TRIOBP: variants seen among roughly 807,000 people sequenced by gnomAD.
TRIOBP encodes TRIO and F-actin-binding protein.
TRIOBP carries 169 observed loss-of-function variants against 238.8 expected under a neutral mutation model. That is an observed-to-expected ratio of 0.71 (90% CI 0.62 to 0.80). TRIOBP has a LOEUF of 0.80. Among genes scored for constraint, TRIOBP ranks in the 30% least tolerant of loss-of-function variants. TRIOBP has a pLI of 0.00. For synonymous variants in TRIOBP, 1,150 were observed against 1,274.4 expected (o/e 0.90, Z 2.08); for missense variants, 2,838 against 3,122.6 (o/e 0.91, Z 2.17).
chr22:37,712,513 T>G (rs1923304188), intron 4 of TRIOBP, among the ~76,000 whole-genome samples: 1 of 152,038 alleles, frequency 6.6e-6, no homozygotes, highest in Admixed American at 6.5e-5. Context: ...TTTTTTATTT[T>G]TAGTAGAGAC....
In TRIOBP at chr22:37,758,048, T is replaced by A. The variant is rs372525528; in HGVS notation, c.6123T>A (p.Asn2041Lys). 1.7e-4 allele frequency: 269 copies of A among 1,611,956 alleles called. No individual in the cohort carries two copies. Among genetic ancestry groups the A allele is most frequent in the Non-Finnish European group, 2.1e-4 (252 of 1,179,750 alleles). ...TGGAGAAGCTGCCCCTGCGGGAGAA[T>A]AAGCGGGTGCCCCTCACTGCCCTGC... ...QELEKLPLRENKRVPLTALLN... is the reference protein window; with the variant it reads ...QELEKLPLREKKRVPLTALLN... Residue 2041 changes from asparagine (N) to lysine (K), a missense_variant, in exon 16 of 24, where the codon AAT becomes AAA. Around this residue, in one of 5 missense-constraint regions of TRIOBP, gnomAD observed 2,096 missense variants for 2,137.4 expected, o/e 0.98. Transcript: ENST00000644935.
Position 37,725,826 on chromosome 22 carries a change from C to G in TRIOBP, c.3270C>G (p.Asp1090Glu). ...TTGACCCCTTCCCCTTCCTCCCAGA[C>G]ACATCAGATGCCGAGCATCAGTGTC... ...TQFDPFPFLPDTSDAEHQCQS... is the reference protein window; with the variant it reads ...TQFDPFPFLPETSDAEHQCQS... The change falls in exon 7 of 24, where the codon GAC (aspartate) becomes GAG (glutamate). Residue 1090 changes from aspartate to glutamate, a missense_variant. Physicochemically the swap from Asp to Glu is conservative, Grantham distance 45 (BLOSUM62 2). This residue lies in a region of TRIOBP where 2,096 missense variants were observed against 2,137.4 expected (regional missense o/e 0.98). Coordinates refer to ENST00000644935, the MANE Select transcript of TRIOBP (RefSeq NM_001039141.3). 6.2e-7 allele frequency: 1 copy of G among 1,611,490 alleles called. No homozygotes were observed. Among genetic ancestry groups the G allele is most frequent in the Non-Finnish European group, 8.5e-7 (1 of 1,179,092 alleles).
chr22:37,702,010 G>A (rs1003567843), intron 3 of TRIOBP, among the ~76,000 whole-genome samples: 1 of 152,064 alleles, frequency 6.6e-6, no homozygotes. Flanking sequence ...GGCTGAGGCA[G>A]GAGAATCACT....
At chr22:37,704,381 T>TCAGAA (rs71195040) in intron 3 of TRIOBP, among the ~76,000 whole-genome samples, 3,294 of 137,674 alleles carry the variant, frequency 0.024, 68 homozygotes, top group African/African-American at 0.05. Flanking sequence ...GGACCCTGAC[T>TCAGAA]CAGAACAGAA....
At chr22:37,706,141 G>A (rs1409127224) in intron 3 of TRIOBP, among the ~76,000 whole-genome samples, 1 of 152,124 alleles carries the variant, frequency 6.6e-6, no homozygotes, top group Non-Finnish European at 1.5e-5. Flanking sequence ...GCTGACTCCT[G>A]TAATTTCTTC....
chr22:37,751,386 TC>T (rs1858023238), intron 11 of TRIOBP: 1 of 357,098 alleles, frequency 2.8e-6, no homozygotes, highest in Non-Finnish European at 5.5e-6. Context: ...ACTGGACAGT[TC>T]GCGCAGTGCT....
chr22:37,728,026 C>G (rs1282269413), intron 7 of TRIOBP, among the ~76,000 whole-genome samples: 1 of 152,214 alleles, frequency 6.6e-6, no homozygotes, highest in Non-Finnish European at 1.5e-5. Flanking sequence ...ACCATTGCCA[C>G]AATCTAACTT....
At chr22:37,728,749 T>C (rs1924293635) in intron 7 of TRIOBP, among the ~76,000 whole-genome samples, 1 of 152,108 alleles carries the variant, frequency 6.6e-6, no homozygotes, top group Non-Finnish European at 1.5e-5. Context: ...TACTGGGCAG[T>C]AGGGTGATAC....
chr22:37,704,255 C>T (rs969830379), intron 3 of TRIOBP, among the ~76,000 whole-genome samples: 6 of 152,196 alleles, frequency 3.9e-5, no homozygotes, highest in Non-Finnish European at 8.8e-5. Context: ...TAGTGGGATG[C>T]GGCTATAGTC....
chr22:37,730,231 T>C (rs1341252331), intron 7 of TRIOBP, among the ~76,000 whole-genome samples: 1 of 152,178 alleles, frequency 6.6e-6, no homozygotes, highest in African/African-American at 2.4e-5. Context: ...TTTGTCATGC[T>C]TGGTGCGGCC....
In TRIOBP at chr22:37,752,136, G is replaced by A. The variant is rs373385249; in HGVS notation, c.5379+308G>A. Among the ~76,000 whole-genome samples, 8 of 152,252 alleles carry A rather than the reference G, an allele frequency of 5.3e-5. No homozygotes were observed. The East Asian group carries it at 9.7e-4, about 18-fold the overall frequency. Reference sequence around the variant, plus strand: ...TCAAGGGTCTTGGGTGGAAGGGCTCGTAGAAGCTGTCTGGCCCGAGACACA... The same window carrying A: ...TCAAGGGTCTTGGGTGGAAGGGCTCATAGAAGCTGTCTGGCCCGAGACACA... On this transcript the variant is annotated intron_variant, in intron 12 of 23. Coordinates refer to ENST00000644935, the MANE Select transcript of TRIOBP (RefSeq NM_001039141.3).
chr22:37,744,674 G>A (rs1239726910), intron 11 of TRIOBP, among the ~76,000 whole-genome samples: 5 of 152,138 alleles, frequency 3.3e-5, no homozygotes, highest in Non-Finnish European at 7.3e-5. Flanking sequence ...CTGACTGCCT[G>A]AGTGAGGTGC....
intron 8 of TRIOBP, 42 bp downstream of exon 8, chr22:37,733,454 C>A (rs761898653): frequency 9.0e-6 from 13 of 1,441,874 alleles, no homozygotes; most frequent in Non-Finnish European, 1.2e-5. Flanking sequence ...CCCCAAGGGG[C>A]GGCCACTGCC....
chr22:37,700,266 ATT>A (rs35388184), intron 2 of TRIOBP, among the ~76,000 whole-genome samples: 5 of 134,498 alleles, frequency 3.7e-5, no homozygotes, highest in Non-Finnish European at 3.1e-5. Flanking sequence ...GGGAATCTAG[ATT>A]TTTTTTTTTT....
rs1427819948 is a variant in TRIOBP at position 37,723,767 on chromosome 22, C to T, written c.1211C>T (p.Thr404Ile). 2 of 1,596,826 alleles carry T rather than the reference C, an allele frequency of 1.3e-6. No individual in the cohort carries two copies. The highest frequency in any genetic ancestry group is 1.3e-5 in the African/African-American group (1 of 74,808). The change falls in exon 7 of 24, where the codon ACA (threonine) becomes ATA (isoleucine). Residue 404 changes from threonine to isoleucine, a missense_variant. By Grantham distance (89) the Thr-to-Ile change is moderately conservative (BLOSUM62 -1). This residue lies in a region of TRIOBP where 535 missense variants were observed against 537.3 expected (regional missense o/e 1.00). Transcript: ENST00000644935. Reference sequence around the variant, plus strand: ...ACCACTCAACGAGAGAATTCCAGAACATCCTGTGCCCAGCGGGACAATCCC... The same window carrying T: ...ACCACTCAACGAGAGAATTCCAGAATATCCTGTGCCCAGCGGGACAATCCC... Reference protein sequence around the residue: ...NRTTQRENSRTSCAQRDNPKA... With the variant: ...NRTTQRENSRISCAQRDNPKA...
rs531250125 is a variant in TRIOBP at position 37,743,022 on chromosome 22, C to T, written c.5322+1990C>T. On this transcript the variant is annotated intron_variant, in intron 11 of 23. Transcript: ENST00000644935. ...ACCTCAGAGCCCAGTGCTTCCAACA[C>T]GCCCCCTACACCACTGCCTTCACAT... 2.6e-4 allele frequency among the ~76,000 whole-genome samples: 40 copies of T among 152,354 alleles called. No homozygotes were observed. In the South Asian group the frequency reaches 3.1e-3, roughly 12 times the overall value.
Position 37,715,794 on chromosome 22 carries a change from AG to A in TRIOBP, c.490del (p.Ala164ProfsTer9). 6.2e-6 allele frequency: 10 copies of A among 1,613,950 alleles called. No individual in the cohort carries two copies. Among genetic ancestry groups the A allele is most frequent in the Non-Finnish European group, 8.5e-6 (10 of 1,180,008 alleles). ...GACACTGTTGAGAGGCAGGAGGAGGAGGCCCCCAGCTGGGACGAGCTCGCAG... is the reference window on the plus strand; with the variant it reads ...GACACTGTTGAGAGGCAGGAGGAGGAGCCCCCAGCTGGGACGAGCTCGCAG... ...DWDTVERQEE[E>X]APSWDELAVM... On this transcript the variant is annotated frameshift_variant, in exon 6 of 24. Coordinates refer to ENST00000644935, the MANE Select transcript of TRIOBP (RefSeq NM_001039141.3). LOFTEE classifies it high-confidence loss of function.
At chr22:37,762,209 C>T (rs993059393) in intron 17 of TRIOBP, among the ~76,000 whole-genome samples, 16 of 152,150 alleles carry the variant, frequency 1.1e-4, no homozygotes, top group African/African-American at 3.6e-4. Flanking sequence ...GAACCACAGG[C>T]TACACCACCA....
At chr22:37,746,482 A>G in intron 11 of TRIOBP, 1 of 1,322,424 alleles carries the variant, frequency 7.6e-7, no homozygotes, top group Non-Finnish European at 9.9e-7. Flanking sequence ...CCCGAGGCAG[A>G]GCCCAGCCTC....
Sources: allele counts gnomAD v4.1 joint callset (sites outside exome capture counted in the v4.1 genomes callset), GRCh38; gene constraint gnomAD v4.1.1; regional missense constraint gnomAD v4.1.1; transcripts MANE v1.5; gene names NCBI Gene and HGNC (gene_info 2026-07-23, HGNC 2026-07-21).